Variants in REDIC1 observed in about 807,000 individuals in gnomAD.
REDIC1 encodes regulator of DNA class I crossover intermediates 1.
chr12:39,634,104 C>A, the REDIC1 span, among the ~76,000 whole-genome samples: 4 of 152,064 alleles, frequency 2.6e-5, no homozygotes, highest in African/African-American at 9.7e-5. Context: ...TCTTTTATTT[C>A]GTTGAGCAGT....
At chr12:39,875,785 T>C in the REDIC1 span, among the ~76,000 whole-genome samples, 23 of 152,320 alleles carry the variant, frequency 1.5e-4, no homozygotes, top group African/African-American at 4.8e-4. Context: ...TACATTTAAC[T>C]TACAATTACA....
the REDIC1 span, among the ~76,000 whole-genome samples, chr12:39,734,466 C>T: frequency 6.6e-6 from 1 of 152,110 alleles, no homozygotes; most frequent in Non-Finnish European, 1.5e-5. Flanking sequence ...ATTGTAGTCA[C>T]AAAAATTTTC....
At chr12:39,793,156 C>T in the REDIC1 span, among the ~76,000 whole-genome samples, 1 of 152,040 alleles carries the variant, frequency 6.6e-6, no homozygotes, top group East Asian at 1.9e-4. Flanking sequence ...TTGCATTTTA[C>T]AAGATTGGCA....
chr12:39,642,932 C>T, the REDIC1 span, among the ~76,000 whole-genome samples: 2 of 151,714 alleles, frequency 1.3e-5, no homozygotes, highest in African/African-American at 4.8e-5. Context: ...AGAGCCTCAA[C>T]TTCTTGAAAA....
the REDIC1 span, chr12:39,754,418 C>T: frequency 6.6e-6 from 1 of 152,144 alleles, no homozygotes; most frequent in South Asian, 2.1e-4. Flanking sequence ...CGTTAAGAAC[C>T]TTAGTTAGAT....
At chr12:39,813,812 A>AGAT in the REDIC1 span, among the ~76,000 whole-genome samples, 1 of 152,340 alleles carries the variant, frequency 6.6e-6, no homozygotes, top group South Asian at 2.1e-4. Context: ...GCAATTAAAA[A>AGAT]GATGTAATTG....
chr12:39,643,083 G>T, the REDIC1 span, among the ~76,000 whole-genome samples: 1 of 151,652 alleles, frequency 6.6e-6, no homozygotes, highest in Admixed American at 6.6e-5. Flanking sequence ...TGGAAGAGAA[G>T]ATGTTTTCAC....
the REDIC1 span, chr12:39,819,708 C>T: frequency 6.6e-6 from 1 of 152,144 alleles, no homozygotes; most frequent in African/African-American, 2.4e-5. Flanking sequence ...GATTATAAAT[C>T]TTAGGGAGTA....
chr12:39,840,113 C>T, the REDIC1 span, among the ~76,000 whole-genome samples: 1 of 152,004 alleles, frequency 6.6e-6, no homozygotes, highest in Non-Finnish European at 1.5e-5. Flanking sequence ...CTCACTGCAA[C>T]CTCCGCCTCC....
At chr12:39,650,375 A>G in the REDIC1 span, 2 of 1,599,876 alleles carry the variant, frequency 1.3e-6, no homozygotes, top group African/African-American at 1.3e-5. The surrounding 1 kb of genome is among the most constrained non-coding windows in gnomAD (Gnocchi z 4.3). Flanking sequence ...ATGCTGAAGG[A>G]AATAAAGAAG....
the REDIC1 span, chr12:39,720,856 G>GA: frequency 6.2e-7 from 1 of 1,612,862 alleles, no homozygotes; most frequent in South Asian, 1.1e-5. Flanking sequence ...CAAAACCAAG[G>GA]AAAAAATGAA....
At chr12:39,801,718 G>A in the REDIC1 span, among the ~76,000 whole-genome samples, 2 of 152,144 alleles carry the variant, frequency 1.3e-5, no homozygotes, top group Non-Finnish European at 2.9e-5. Context: ...TAAACTGTCT[G>A]GGATTCAGTT....
the REDIC1 span, among the ~76,000 whole-genome samples, chr12:39,690,168 T>C: frequency 1.3e-5 from 2 of 151,968 alleles, no homozygotes; most frequent in African/African-American, 4.8e-5. Flanking sequence ...TAGGTAAAAT[T>C]AAAACAGGTA....
chr12:39,858,731 C>T, the REDIC1 span, among the ~76,000 whole-genome samples: 8 of 152,198 alleles, frequency 5.3e-5, no homozygotes, highest in East Asian at 1.9e-4. Context: ...CTCAGCCTCC[C>T]GAGTAGCTGG....
At chr12:39,900,947 G>A in the REDIC1 span, among the ~76,000 whole-genome samples, 2 of 152,096 alleles carry the variant, frequency 1.3e-5, no homozygotes, top group Admixed American at 1.3e-4. Flanking sequence ...TATACCACAA[G>A]GCAACAGTAA....
chr12:39,897,276 C>T, the REDIC1 span, among the ~76,000 whole-genome samples: 3 of 152,108 alleles, frequency 2.0e-5, no homozygotes, highest in East Asian at 1.9e-4. Context: ...TTTAAAAGAA[C>T]GTGGTTATGC....
the REDIC1 span, chr12:39,646,232 AGATATATGTTTATGTAAT>A: frequency 2.7e-6 from 1 of 364,908 alleles, no homozygotes; most frequent in African/African-American, 2.2e-5. Flanking sequence ...AAAATTTCTT[AGATATATGTTTATGTAAT>A]GAACATGATT....
chr12:39,630,399 C>G, the REDIC1 span, among the ~76,000 whole-genome samples: 2 of 152,028 alleles, frequency 1.3e-5, no homozygotes, highest in African/African-American at 4.8e-5. Flanking sequence ...AAGGCCTAGG[C>G]AAAGTTCTGT....
chr12:39,879,579 G>A, the REDIC1 span, among the ~76,000 whole-genome samples: 1 of 152,194 alleles, frequency 6.6e-6, no homozygotes, highest in Non-Finnish European at 1.5e-5. Flanking sequence ...CTTGCATGGG[G>A]CCTGTACCCC....
Sources: allele counts gnomAD v4.1 joint callset (sites outside exome capture counted in the v4.1 genomes callset), GRCh38; gene constraint gnomAD v4.1.1; non-coding constraint Gnocchi (gnomAD v3.1); transcripts MANE v1.5; gene names NCBI Gene and HGNC (gene_info 2026-07-23, HGNC 2026-07-21).